The following WWOX variants were observed in gnomAD, a reference collection of about 807,000 sequenced individuals.
WWOX encodes the protein WW domain containing oxidoreductase.
A neutral mutation model predicts 46.2 loss-of-function variants in WWOX; 69 were observed. The observed-to-expected ratio is 1.49, with a 90% CI of 1.23 to 1.82. The LOEUF is 1.82. WWOX is among the 40% of genes most tolerant of loss of function. WWOX has a pLI of 0.00. For missense variants in WWOX, 919 were observed against 542.6 expected (o/e 1.69, Z -6.89); for synonymous variants, 359 against 202.6 (o/e 1.77, Z -6.56).
At chr16:78,979,733 C>T (rs992189053) in intron 8 of WWOX, among the ~76,000 whole-genome samples, 4 of 152,106 alleles carry the variant, frequency 2.6e-5, no homozygotes, top group African/African-American at 4.8e-5. Flanking sequence ...GATAAAGGTC[C>T]CCAGTGGTCC....
Position 79,008,893 on chromosome 16 carries a change from G to GCA in WWOX, c.1057-202706_1057-202705dup, listed in dbSNP as rs202082047. ...GAGCCACGTGTGTATAATGAGCAGC[G>GCA]CACACACACAAAGGCGAGCTAAAAA... On this transcript the variant is annotated intron_variant, in intron 8 of 8. Transcript: ENST00000566780. Among the ~76,000 whole-genome samples, 6 of 23,136 alleles carry GCA rather than the reference G, an allele frequency of 2.6e-4. No homozygotes were observed. In the East Asian group the frequency reaches 0.047, roughly 182 times the overall value. 15.2% of individuals were successfully genotyped at this position (23,136 alleles called of 152,430 possible).
At chr16:78,740,436 C>T (rs999193902) in intron 8 of WWOX, among the ~76,000 whole-genome samples, 2 of 152,076 alleles carry the variant, frequency 1.3e-5, no homozygotes, top group East Asian at 3.9e-4. Flanking sequence ...ACCTTTGGAC[C>T]CCGGCTGGCT....
chr16:78,818,080 C>A (rs1477225879), intron 8 of WWOX, among the ~76,000 whole-genome samples: 4 of 152,308 alleles, frequency 2.6e-5, no homozygotes, highest in African/African-American at 9.6e-5. Context: ...CCCATCAGAG[C>A]TAATCCCTAT....
chr16:79,146,979 A>G (rs1453005403), intron 8 of WWOX, among the ~76,000 whole-genome samples: 2 of 152,206 alleles, frequency 1.3e-5, no homozygotes, highest in African/African-American at 4.8e-5. Context: ...ATGATTCCTC[A>G]TATTCTTAGC....
intron 8 of WWOX, among the ~76,000 whole-genome samples, chr16:78,544,456 G>A (rs2151532493): frequency 6.6e-6 from 1 of 152,302 alleles, no homozygotes; most frequent in Middle Eastern, 3.4e-3. Context: ...TGAGGAAACT[G>A]GCTGACTGAG....
At chr16:78,984,715 T>C (rs1011785363) in intron 8 of WWOX, among the ~76,000 whole-genome samples, 18 of 152,242 alleles carry the variant, frequency 1.2e-4, no homozygotes, top group African/African-American at 4.3e-4. Flanking sequence ...TTCATACTTT[T>C]GTAATACCGT....
chr16:78,190,963 C>A (rs2035865301), intron 5 of WWOX, among the ~76,000 whole-genome samples: 1 of 152,128 alleles, frequency 6.6e-6, no homozygotes, highest in Non-Finnish European at 1.5e-5. Context: ...TTCTCAAGGA[C>A]CTTTACTTGA....
chr16:79,053,164 T>G (rs2048201822), intron 8 of WWOX, among the ~76,000 whole-genome samples: 1 of 152,198 alleles, frequency 6.6e-6, no homozygotes, highest in Non-Finnish European at 1.5e-5. Context: ...AAGAAACAAC[T>G]GGATTGCGTT....
chr16:78,462,165 G>A (rs2083967305), intron 8 of WWOX, among the ~76,000 whole-genome samples: 1 of 152,114 alleles, frequency 6.6e-6, no homozygotes, highest in South Asian at 2.1e-4. Context: ...TGTGGAAAAG[G>A]TAATTTAAGC....
chr16:78,998,005 T>C (rs1419449366), intron 8 of WWOX, among the ~76,000 whole-genome samples: 1 of 152,014 alleles, frequency 6.6e-6, no homozygotes, highest in Admixed American at 6.6e-5. Flanking sequence ...GCCTCCCGAG[T>C]AGCTGGGATT....
chr16:78,602,911 A>G (rs1181326490), intron 8 of WWOX, among the ~76,000 whole-genome samples: 4 of 152,150 alleles, frequency 2.6e-5, no homozygotes, highest in South Asian at 2.1e-4. Context: ...TGTCTTCTGC[A>G]TACACTTTTT....
In WWOX at chr16:78,599,299, TTTAAA is replaced by T. The variant is rs139871568; in HGVS notation, c.1056+166552_1056+166556del. Among the ~76,000 whole-genome samples, 700 of 152,336 alleles carry T rather than the reference TTTAAA, an allele frequency of 4.6e-3. 6 individuals carry two copies. Among genetic ancestry groups the T allele is most frequent in the African/African-American group, 0.016 (649 of 41,586 alleles). ...TGAACCTCCGGGATCTCTCAGGGGC[TTTAAA>T]TTAATTAATCAATCCACAGACATTG... On this transcript the variant is annotated intron_variant, in intron 8 of 8. Coordinates refer to ENST00000566780, the MANE Select transcript of WWOX (RefSeq NM_016373.4).
At position 79,211,651 on chromosome 16, in the gene WWOX, A is replaced by AC. The variant is rs780530937; in HGVS notation, c.1100_1101insC (p.Glu367AspfsTer162). ...ACCGTGTACTGTGCTGCTGTCCCAG[A>AC]ACTGGAGGGTCTGGGAGGGATGTAC... is the stretch of plus-strand genomic sequence containing the variant. On this transcript the variant is annotated frameshift_variant, in exon 9 of 9. Coordinates refer to ENST00000566780, the MANE Select transcript of WWOX (RefSeq NM_016373.4). LOFTEE classifies it high-confidence loss of function. The AC allele has an allele frequency of 1.9e-6, 3 of 1,614,178 alleles. No individual in the cohort carries two copies. The highest frequency in any genetic ancestry group is 2.2e-5 in the East Asian group (1 of 44,862).
chr16:78,931,777 G>C (rs1301502274), intron 8 of WWOX, among the ~76,000 whole-genome samples: 2 of 152,204 alleles, frequency 1.3e-5, no homozygotes, highest in African/African-American at 2.4e-5. Flanking sequence ...GTACCCACTT[G>C]ATATGGTTTA....
intron 1 of WWOX, among the ~76,000 whole-genome samples, chr16:78,102,069 T>C (rs1292126981): frequency 6.6e-6 from 1 of 152,114 alleles, no homozygotes; most frequent in African/African-American, 2.4e-5. Flanking sequence ...CACAGGTGTG[T>C]GCCTCCACAC....
chr16:78,733,764 G>T (rs1481481384), intron 8 of WWOX, among the ~76,000 whole-genome samples: 2 of 150,994 alleles, frequency 1.3e-5, no homozygotes, highest in Non-Finnish European at 3.0e-5. Flanking sequence ...CAAAAAATAA[G>T]TAAATAAAAT....
At position 78,751,415 on chromosome 16, in the gene WWOX, TTA is replaced by T. The variant is rs140469865; in HGVS notation, c.1056+318677_1056+318678del. Among the ~76,000 whole-genome samples, 1,269 of 142,416 alleles carry T rather than the reference TTA, an allele frequency of 8.9e-3. 19 individuals are homozygous for T. Among genetic ancestry groups the T allele is most frequent in the African/African-American group, 0.032 (1,198 of 37,872 alleles). The allele number at this position is 142,416 out of a possible 152,430, so 93.4% of individuals were successfully genotyped here. ...AACATAACTGTAAGAATTTATCAGA[TTA>T]TATATATATATATTTATCAGATTAT... On this transcript the variant is annotated intron_variant, in intron 8 of 8. Transcript: ENST00000566780.
Position 78,577,752 on chromosome 16 carries a change from C to T in WWOX, c.1056+145000C>T, listed in dbSNP as rs2044924902. ...TATTTGACCACATCTTCCTAGCAGT[C>T]TTGCGGAAGGTGCCACTTTGCGAAC... On this transcript the variant is annotated intron_variant, in intron 8 of 8. Coordinates refer to ENST00000566780, the MANE Select transcript of WWOX (RefSeq NM_016373.4). Among the ~76,000 whole-genome samples, 3 of 152,196 alleles carry T rather than the reference C, an allele frequency of 2.0e-5. No homozygotes were observed. In the South Asian group the frequency reaches 6.2e-4, roughly 32 times the overall value.
At chr16:78,185,048 T>C (rs1228259155) in intron 5 of WWOX, among the ~76,000 whole-genome samples, 1 of 152,116 alleles carries the variant, frequency 6.6e-6, no homozygotes, top group Non-Finnish European at 1.5e-5. Context: ...GAGAGGGATG[T>C]GCTGACCCTC....
Sources: allele counts gnomAD v4.1 joint callset (sites outside exome capture counted in the v4.1 genomes callset), GRCh38; gene constraint gnomAD v4.1.1; transcripts MANE v1.5; gene names NCBI Gene and HGNC (gene_info 2026-07-23, HGNC 2026-07-21).